The following CCDC144A variants were observed in gnomAD, a reference collection of about 807,000 sequenced individuals.
CCDC144A encodes the protein coiled-coil domain containing 144A, also known as coiled-coil domain-containing protein 144A.
In CCDC144A, 41 loss-of-function variants were observed where a neutral mutation model predicts 143.8. The ratio of observed to expected loss-of-function variants is 0.29; its 90% CI spans 0.22 to 0.37. CCDC144A has a LOEUF of 0.37. CCDC144A is among the 10% of genes least tolerant of loss of function. The probability of loss-of-function intolerance (pLI) is 1.00; values close to 1 mark genes in which losing one functional copy is unlikely to be tolerated. For missense variants in CCDC144A, 637 were observed against 1,488.8 expected, an observed-to-expected ratio of 0.43 and a Z score of 9.41; for synonymous variants, 242 against 517.9, an observed-to-expected ratio of 0.47 and a Z score of 7.23.
intron 12 of CCDC144A, among the ~76,000 whole-genome samples, chr17:16,756,933 G>A (rs1915116393): frequency 6.6e-6 from 1 of 152,390 alleles, no homozygotes; most frequent in East Asian, 1.9e-4. Context: ...CGGTGTGGTT[G>A]TTAGTAGCAG....
At chr17:16,678,652 C>T in the CCDC144A span, among the ~76,000 whole-genome samples, 2 of 147,614 alleles carry the variant, frequency 1.4e-5, no homozygotes, top group Middle Eastern at 3.5e-3. Context: ...GTGATCACAG[C>T]TCACTGCAGC....
chr17:16,773,127 G>T (rs577212627), intron 16 of CCDC144A, among the ~76,000 whole-genome samples: 1 of 151,814 alleles, frequency 6.6e-6, no homozygotes, highest in East Asian at 1.9e-4. Context: ...TTACTGATTT[G>T]CACTTAGTTA....
chr17:16,682,818 A>G, the CCDC144A span, among the ~76,000 whole-genome samples: 1 of 141,510 alleles, frequency 7.1e-6, no homozygotes, highest in Non-Finnish European at 1.5e-5. Context: ...ATTTTGTTGT[A>G]GTGAGTAGGT....
At chr17:16,686,825 G>A (rs189652498), upstream of CCDC144A, among the ~76,000 whole-genome samples, 62 of 151,636 alleles carry the variant, frequency 4.1e-4, no homozygotes, top group Non-Finnish European at 7.2e-4. Flanking sequence ...GGAAGGGAAG[G>A]TTCTGCTGGG....
chr17:16,746,083 C>G, intron 12 of CCDC144A: 2 of 1,606,134 alleles, frequency 1.2e-6, no homozygotes, highest in South Asian at 1.1e-5. Context: ...AGCGAGCCTT[C>G]CACGGGCCTG....
In CCDC144A at chr17:16,711,761, A is replaced by G. The variant is rs1305153891; in HGVS notation, c.1661A>G (p.Asp554Gly). The change falls in exon 6 of 17, where the codon GAT becomes GGT. Residue 554 changes from aspartate to glycine, a missense_variant. Coordinates refer to ENST00000399273, the MANE Select transcript of CCDC144A (RefSeq NM_001382000.1). Reference protein sequence around the residue: ...TLTDGTTVGNDDDGLNQQIPR... With the variant: ...TLTDGTTVGNGDDGLNQQIPR... ...ACTGATGGTACTACTGTTGGCAATG[A>G]TGATGATGGACTAAATCAGCAGATT... The G allele has an allele frequency of 6.3e-7, 1 of 1,599,312 alleles. No individual in the cohort carries two copies. Among genetic ancestry groups the G allele is most frequent in the South Asian group, 1.1e-5 (1 of 89,582 alleles).
rs1370755046 is a variant in CCDC144A at position 16,690,327 on chromosome 17, G to A, written c.-74G>A. On this transcript the variant is annotated 5_prime_UTR_variant, in exon 1 of 17. Transcript: ENST00000399273. ...TTGGCTTGGCATTTCTGGCTTGGCG[G>A]TCCTCCTTTCGCAGATTGGAAACCG... 4 of 1,212,194 alleles carry A rather than the reference G, an allele frequency of 3.3e-6. No individual in the cohort carries two copies. The highest frequency in any genetic ancestry group is 5.2e-5 in the East Asian group (2 of 38,438). The allele number at this position is 1,212,194 out of a possible 1,614,324, so 75.1% of individuals were successfully genotyped here. A position where few individuals can be genotyped will look rare whatever the true frequency, so the allele number is the denominator to read the frequency against.
chr17:16,724,245 G>T (rs1318505239), intron 8 of CCDC144A, among the ~76,000 whole-genome samples: 2 of 152,082 alleles, frequency 1.3e-5, no homozygotes, highest in African/African-American at 4.8e-5. Context: ...CTTTCATTAA[G>T]ATTGATTGCA....
intron 6 of CCDC144A, among the ~76,000 whole-genome samples, chr17:16,718,320 C>A (rs1169665032): frequency 6.6e-6 from 1 of 151,660 alleles, no homozygotes; most frequent in Admixed American, 6.6e-5. Flanking sequence ...AATTTTCTTT[C>A]TTTTTTATTT....
chr17:16,759,595 T>G (rs2143360389), intron 12 of CCDC144A, among the ~76,000 whole-genome samples: 1 of 150,184 alleles, frequency 6.7e-6, no homozygotes, highest in Non-Finnish European at 1.5e-5. Flanking sequence ...CCGTATCGTT[T>G]TCTTCACTAT....
chr17:16,681,370 A>C, the CCDC144A span, among the ~76,000 whole-genome samples: 1 of 152,220 alleles, frequency 6.6e-6, no homozygotes, highest in African/African-American at 2.4e-5. Context: ...TTGAAAGTCT[A>C]AATGTATACT....
At chr17:16,772,096 T>C (rs1682181238) in intron 16 of CCDC144A, 77 bp downstream of exon 16, 8 of 987,628 alleles carry the variant, frequency 8.1e-6, no homozygotes, top group Middle Eastern at 2.2e-4. Context: ...GACATCCCTT[T>C]CCGTTCTTGG....
chr17:16,736,472 A>G (rs1380355008), intron 12 of CCDC144A, among the ~76,000 whole-genome samples: 2 of 151,330 alleles, frequency 1.3e-5, no homozygotes, highest in Non-Finnish European at 1.5e-5. Flanking sequence ...CAGCAAAGCC[A>G]TGTTACATTT....
intron 12 of CCDC144A, chr17:16,746,397 T>C (rs1914520884): frequency 1.3e-6 from 2 of 1,507,428 alleles, no homozygotes; most frequent in South Asian, 2.3e-5. Flanking sequence ...TCTAATTTTC[T>C]ATTTTTAATA....
chr17:16,739,658 A>C (rs1914172218), intron 12 of CCDC144A, among the ~76,000 whole-genome samples: 1 of 151,262 alleles, frequency 6.6e-6, no homozygotes, highest in African/African-American at 2.4e-5. Context: ...TTTGTTGAAA[A>C]ATCTATTCAT....
At chr17:16,676,468 G>T in the CCDC144A span, among the ~76,000 whole-genome samples, 1 of 149,830 alleles carries the variant, frequency 6.7e-6, no homozygotes, top group Non-Finnish European at 1.5e-5. Flanking sequence ...CAGAGATGGG[G>T]CCACGGCACT....
chr17:16,742,275 T>A lies in CCDC144A; in HGVS notation c.3372+6632T>A, dbSNP rs531927007. 1.1e-4 allele frequency among the ~76,000 whole-genome samples: 16 copies of A among 152,334 alleles called. No homozygotes were observed. The South Asian group carries it at 1.5e-3, about 14-fold the overall frequency. ...CTCTCTACTTCCGTGAACTTTTTTT[T>A]AAATTTTAGCTCCCACATGAGTGAA... On this transcript the variant is annotated intron_variant, in intron 12 of 16. Transcript: ENST00000399273.
chr17:16,690,526 G>C lies in CCDC144A; in HGVS notation c.126G>C (p.Gly42=), dbSNP rs1433540718. The change falls in exon 1 of 17, where the codon GGG becomes GGC. Residue 42 remains glycine, a synonymous_variant. Coordinates refer to ENST00000399273, the MANE Select transcript of CCDC144A (RefSeq NM_001382000.1). ...QGDQWYLGYP[G]DQWSSGFPYS... is the part of the protein sequence containing the mutation. ...ACCAGTGGTACTTGGGCTACCCGGG[G>C]GACCAGTGGTCCTCGGGCTTCCCCT... 6.2e-7 allele frequency: 1 copy of C among 1,613,390 alleles called. No homozygotes were observed. The highest frequency in any genetic ancestry group is 8.5e-7 in the Non-Finnish European group (1 of 1,179,738).
intron 6 of CCDC144A, 41 bp downstream of exon 6, chr17:16,711,856 G>A (rs1163681007): frequency 6.4e-6 from 10 of 1,572,536 alleles, no homozygotes; most frequent in South Asian, 1.2e-5. Context: ...AATTGGTCAA[G>A]CGTGGTGGCT....
Sources: gnomAD v4.1 joint callset for allele counts (sites outside exome capture counted in the v4.1 genomes callset) on GRCh38, gnomAD v4.1.1 for gene constraint, MANE v1.5 for transcripts, NCBI Gene and HGNC (gene_info 2026-07-23, HGNC 2026-07-21) for gene names.